RPGRIP1L: variants seen among roughly 807,000 people sequenced by gnomAD.
RPGRIP1L encodes the protein RPGRIP1 like, also known as protein fantom.
RPGRIP1L carries 131 observed loss-of-function variants against 160.4 expected under a neutral mutation model. That is an observed-to-expected ratio of 0.82 (90% CI 0.71 to 0.94). RPGRIP1L has a LOEUF of 0.94. Ranked by LOEUF, RPGRIP1L falls within the 40% of genes least tolerant of loss-of-function variation. The probability of loss-of-function intolerance (pLI) is 0.00; values close to 1 mark genes in which losing one functional copy is unlikely to be tolerated. For synonymous variants in RPGRIP1L, 510 were observed against 515.8 expected (o/e 0.99, Z 0.15); for missense variants, 1,522 against 1,535.8 (o/e 0.99, Z 0.15).
At position 53,701,398 on chromosome 16, in the gene RPGRIP1L, G is replaced by C. The variant is rs575224544; in HGVS notation, c.-7-668C>G. On this transcript the variant is annotated intron_variant, in intron 1 of 26. Coordinates refer to ENST00000647211, the MANE Select transcript of RPGRIP1L (RefSeq NM_015272.5). ...GCCATGAGGCCTAGGTCTCACCCAGGGTTCAACTACTTCAACATATAGGCT... is the reference window on the plus strand; with the variant it reads ...GCCATGAGGCCTAGGTCTCACCCAGCGTTCAACTACTTCAACATATAGGCT... Among the ~76,000 whole-genome samples the C allele has an allele frequency of 7.9e-5, 12 of 151,434 alleles. No homozygotes were observed. In the East Asian group the frequency reaches 1.2e-3, roughly 15 times the overall value.
At chr16:53,671,897 A>AT (rs1968768146) in intron 8 of RPGRIP1L, among the ~76,000 whole-genome samples, 1 of 152,092 alleles carries the variant, frequency 6.6e-6, no homozygotes, top group South Asian at 2.1e-4. Context: ...GAAACATAGT[A>AT]TTTTTTACTT....
intron 22 of RPGRIP1L, among the ~76,000 whole-genome samples, chr16:53,633,544 T>C (rs1965652174): frequency 6.6e-6 from 1 of 152,304 alleles, no homozygotes; most frequent in Non-Finnish European, 1.5e-5. Context: ...TCTTGGACCA[T>C]ATGAATAAGA....
intron 7 of RPGRIP1L, among the ~76,000 whole-genome samples, chr16:53,674,559 GA>G (rs993290626): frequency 2.7e-5 from 4 of 150,782 alleles, no homozygotes; most frequent in African/African-American, 7.3e-5. Context: ...GACCAAAAAA[GA>G]AAAAAAAATT....
intron 2 of RPGRIP1L, among the ~76,000 whole-genome samples, chr16:53,697,982 G>A (rs577228516): frequency 2.2e-4 from 32 of 147,030 alleles, no homozygotes; most frequent in African/African-American, 5.1e-4. Context: ...GCCGCCCATC[G>A]TCTGAGATGT....
At chr16:53,606,297 T>C (rs1039458043) in intron 25 of RPGRIP1L, among the ~76,000 whole-genome samples, 3 of 152,376 alleles carry the variant, frequency 2.0e-5, no homozygotes, top group African/African-American at 7.2e-5. Flanking sequence ...CAAATGCACT[T>C]GGATTGACCA....
At chr16:53,653,025 A>G in intron 14 of RPGRIP1L, 38 bp from the exon 15 acceptor site, 1 of 1,541,314 alleles carries the variant, frequency 6.5e-7, no homozygotes. Flanking sequence ...ATTTCAAAAT[A>G]TTGACATGAG....
chr16:53,697,374 C>T (rs1384756766), intron 2 of RPGRIP1L, among the ~76,000 whole-genome samples: 2 of 148,460 alleles, frequency 1.3e-5, no homozygotes, highest in South Asian at 2.2e-4. Flanking sequence ...TCTCCCTCTC[C>T]CTCTCCCTCT....
chr16:53,683,057 T>C (rs1377797647), intron 6 of RPGRIP1L, among the ~76,000 whole-genome samples: 2 of 152,112 alleles, frequency 1.3e-5, no homozygotes, highest in African/African-American at 4.8e-5. Context: ...CTATGAAATA[T>C]AAAGCTTCTT....
chr16:53,654,753 G>A (rs140563682), intron 14 of RPGRIP1L, among the ~76,000 whole-genome samples: 1 of 152,148 alleles, frequency 6.6e-6, no homozygotes. Flanking sequence ...GATAAAATAT[G>A]ATGGTTAAAA....
intron 10 of RPGRIP1L, among the ~76,000 whole-genome samples, chr16:53,662,389 T>A (rs1355403398): frequency 6.6e-6 from 1 of 152,130 alleles, no homozygotes; most frequent in African/African-American, 2.4e-5. Context: ...TTCCCCCACA[T>A]ATTCACACAA....
intron 22 of RPGRIP1L, among the ~76,000 whole-genome samples, chr16:53,629,748 T>G (rs769206649): frequency 6.6e-6 from 1 of 152,214 alleles, no homozygotes. Flanking sequence ...TTTTTTTTTC[T>G]GTAAAAGGAT....
chr16:53,623,852 T>C (rs755750413), intron 22 of RPGRIP1L, among the ~76,000 whole-genome samples: 37 of 152,236 alleles, frequency 2.4e-4, no homozygotes, highest in Non-Finnish European at 4.8e-4. Flanking sequence ...AATAAATATT[T>C]AATGAAATAG....
rs1253454453 is a variant in RPGRIP1L, at chr16:53,641,274, C to T, written c.2874+11G>A. 1 of 1,612,886 alleles carries T rather than the reference C, an allele frequency of 6.2e-7. No homozygotes were observed. On this transcript the variant is annotated intron_variant, in intron 18 of 26. Coordinates refer to ENST00000647211, the MANE Select transcript of RPGRIP1L (RefSeq NM_015272.5). ...ATACTTGTAAAAAAATTAAAAGTCA[C>T]TGATACTCACTAAAACTAGTGTGCT...
chr16:53,625,865 CAT>C (rs1254471074), intron 22 of RPGRIP1L, among the ~76,000 whole-genome samples: 2 of 152,110 alleles, frequency 1.3e-5, no homozygotes, highest in Non-Finnish European at 1.5e-5. Flanking sequence ...CTCTCTGAAA[CAT>C]GTGCTGTGTC....
chr16:53,605,133 A>T (rs1423881285), intron 26 of RPGRIP1L, among the ~76,000 whole-genome samples: 1 of 152,048 alleles, frequency 6.6e-6, no homozygotes, highest in Non-Finnish European at 1.5e-5. Flanking sequence ...GTGAGCCAAG[A>T]CTGCACTCCA....
Position 53,612,079 on chromosome 16 carries a change from G to C in RPGRIP1L, c.3617-1028C>G, listed in dbSNP as rs144130111. Among the ~76,000 whole-genome samples, 485 of 152,128 alleles carry C rather than the reference G, an allele frequency of 3.2e-3. 6 individuals carry two copies. Among genetic ancestry groups the C allele is most frequent in the African/African-American group, 0.011 (437 of 41,482 alleles). On this transcript the variant is annotated intron_variant, in intron 24 of 26. Transcript: ENST00000647211. ...ATGATGCTATCAACTCATTTGTTTG[G>C]CTCAGTTGAGCAAATATTAACTGAG...
chr16:53,625,365 C>T (rs79368422), intron 22 of RPGRIP1L, among the ~76,000 whole-genome samples: 4 of 150,834 alleles, frequency 2.7e-5, no homozygotes, highest in African/African-American at 4.9e-5. Context: ...CGCCTCCGCC[C>T]GGCCGCCACC....
intron 21 of RPGRIP1L, among the ~76,000 whole-genome samples, chr16:53,637,131 G>A (rs551962238): frequency 8.1e-4 from 123 of 152,012 alleles, no homozygotes; most frequent in African/African-American, 2.9e-3. Context: ...CAAGTAGCTG[G>A]GACCACAGAT....
At chr16:53,609,245 T>C (rs1231677859) in intron 25 of RPGRIP1L, among the ~76,000 whole-genome samples, 4 of 152,132 alleles carry the variant, frequency 2.6e-5, no homozygotes, top group Non-Finnish European at 5.9e-5. Context: ...CATGCCACCA[T>C]GCCTGGCTAA....
Sources: allele counts gnomAD v4.1 joint callset (sites outside exome capture counted in the v4.1 genomes callset), GRCh38; gene constraint gnomAD v4.1.1; transcripts MANE v1.5; gene names NCBI Gene and HGNC (gene_info 2026-07-23, HGNC 2026-07-21).